The following OR6P1 variants were observed in gnomAD, a reference collection of about 807,000 sequenced individuals.
OR6P1 encodes the protein olfactory receptor family 6 subfamily P member 1, also known as olfactory receptor 6P1.
A neutral mutation model predicts 6.6 loss-of-function variants in OR6P1; 5 were observed. The observed-to-expected ratio is 0.76, with a 90% CI of 0.40 to 1.60. OR6P1 has a LOEUF of 1.60. Ranked by LOEUF, OR6P1 falls within the 40% of genes most tolerant of loss-of-function variation. The probability of loss-of-function intolerance (pLI) is 0.02; values close to 1 mark genes in which losing one functional copy is unlikely to be tolerated. For missense variants in OR6P1, 451 were observed against 383.0 expected (o/e 1.18, Z -1.48); for synonymous variants, 177 against 149.6 (o/e 1.18, Z -1.33).
In OR6P1 at chr1:158,560,735, CT is replaced by C. The variant is rs1647933258; in HGVS notation, c.*1915del. The C allele has an allele frequency of 1.3e-5, 2 of 152,138 alleles. No homozygotes were observed. The highest frequency in any genetic ancestry group is 2.9e-5 in the Non-Finnish European group (2 of 68,024). The allele number at this position is 152,138 out of a possible 1,614,324, so 9.4% of individuals were successfully genotyped here. On this transcript the variant is annotated 3_prime_UTR_variant, in exon 3 of 3. Transcript: ENST00000641540. ...TCAAGGGGTGCAGAGTCCACCTTAA[CT>C]TGGAATTTTCAAGCCCTGTAAGAGC...
chr1:158,565,041 G>A (rs863344), intron 2 of OR6P1, among the ~76,000 whole-genome samples: 29,547 of 152,052 alleles, frequency 0.19, 3,511 homozygotes, highest in East Asian at 0.4. Flanking sequence ...AATTTGCATA[G>A]TTTTAACTTG....
chr1:158,563,469 C>A lies in OR6P1; in HGVS notation c.136G>T (p.Val46Phe). 1.9e-6 allele frequency: 3 copies of A among 1,551,000 alleles called. No homozygotes were observed. The highest frequency in any genetic ancestry group is 2.6e-6 in the Non-Finnish European group (3 of 1,146,714). The change falls in exon 3 of 3, where the codon GTC becomes TTC. Residue 46 changes from valine to phenylalanine, a missense_variant. Val to Phe is a conservative substitution (Grantham distance 50, BLOSUM62 -1). Coordinates refer to ENST00000641540, the MANE Select transcript of OR6P1 (RefSeq NM_001160325.2). ...CTTGGAGCAAGCCATATTGTGAAGA[C>A]AATAAGTGCATTCTCCAACAATGTC... Reference protein sequence around the residue: ...LLTLLENALIVFTIWLAPSLH... With the variant: ...LLTLLENALIFFTIWLAPSLH...
rs1203412356 is a variant in OR6P1 at position 158,563,344 on chromosome 1, G to C, written c.261C>G (p.Thr87=). Residue 87 remains threonine, a synonymous_variant, in exon 3 of 3, where the codon ACC becomes ACG. Transcript: ENST00000641540. ...CTACGTAGGAGACTCTACCATCCTG[G>C]GTAAGAAAGGCTGCCAAGAGCCGAG... ...TIPRLLAAFL[T]QDGRVSYVGC... is the part of the protein sequence containing the mutation. 1 of 1,551,494 alleles carries C rather than the reference G, an allele frequency of 6.4e-7. No individual in the cohort carries two copies. The highest frequency in any genetic ancestry group is 8.7e-7 in the Non-Finnish European group (1 of 1,146,918).
chr1:158,562,031 G>A lies in OR6P1; in HGVS notation c.*620C>T, dbSNP rs1647965172. 1 of 152,328 alleles carries A rather than the reference G, an allele frequency of 6.6e-6. No individual in the cohort carries two copies. Among genetic ancestry groups the A allele is most frequent in the Middle Eastern group, 3.2e-3 (1 of 316 alleles). The allele number at this position is 152,328 out of a possible 1,614,324, so 9.4% of individuals were successfully genotyped here. A position where few individuals can be genotyped will look rare whatever the true frequency, so the allele number is the denominator to read the frequency against. On this transcript the variant is annotated 3_prime_UTR_variant, in exon 3 of 3. Transcript: ENST00000641540. ...AGGATAGTTAGCCATATTGAGTCAA[G>A]AATATATGGCTGAATATCAGCACTG... is the stretch of plus-strand genomic sequence containing the variant.
chr1:158,563,462 G>A lies in OR6P1; in HGVS notation c.143C>T (p.Thr48Ile), dbSNP rs187153877. 1.3e-6 allele frequency: 2 copies of A among 1,551,264 alleles called. No individual in the cohort carries two copies. The highest frequency in any genetic ancestry group is 3.9e-5 in the Admixed American group (2 of 50,924). Residue 48 changes from threonine to isoleucine, a missense_variant, in exon 3 of 3, where the codon ACA becomes ATA. Coordinates refer to ENST00000641540, the MANE Select transcript of OR6P1 (RefSeq NM_001160325.2). ...ATGAAGGCTTGGAGCAAGCCATATT[G>A]TGAAGACAATAAGTGCATTCTCCAA... Reference protein sequence around the residue: ...TLLENALIVFTIWLAPSLHRP... With the variant: ...TLLENALIVFIIWLAPSLHRP...
Position 158,562,902 on chromosome 1 carries a change from G to T in OR6P1, c.703C>A (p.His235Asn). The T allele has an allele frequency of 6.4e-7, 1 of 1,551,964 alleles. No individual in the cohort carries two copies. ...GCGGCACAAGTGGAAAAGGCTTTGT[G>T]GCGTCCCCTGGACGTAGGGATCCTC... ...ILRIPTSRGRHKAFSTCAAHL... is the reference protein window; with the variant it reads ...ILRIPTSRGRNKAFSTCAAHL... Residue 235 changes from histidine (H) to asparagine (N), a missense_variant, in exon 3 of 3, where the codon CAC becomes AAC. Coordinates refer to ENST00000641540, the MANE Select transcript of OR6P1 (RefSeq NM_001160325.2).
At position 158,560,668 on chromosome 1, in the gene OR6P1, CATTTAAAGT is replaced by C. The variant is rs1206277641; in HGVS notation, c.*1974_*1982del. On this transcript the variant is annotated 3_prime_UTR_variant, in exon 3 of 3. Coordinates refer to ENST00000641540, the MANE Select transcript of OR6P1 (RefSeq NM_001160325.2). ...AAGCAGTTGAAGGAATAGACTCTGT[CATTTAAAGT>C]CTTAGCTCAGGTAGGTGGACATAAG... The C allele has an allele frequency of 6.6e-6, 1 of 152,154 alleles. No individual in the cohort carries two copies. Among genetic ancestry groups the C allele is most frequent in the Non-Finnish European group, 1.5e-5 (1 of 68,018 alleles). The allele number at this position is 152,154 out of a possible 1,614,324, so 9.4% of individuals were successfully genotyped here. A position where few individuals can be genotyped will look rare whatever the true frequency, so the allele number is the denominator to read the frequency against.
Position 158,563,385 on chromosome 1 carries a change from T to C in OR6P1, c.220A>G (p.Ile74Val). 2.6e-6 allele frequency: 4 copies of C among 1,551,536 alleles called. No homozygotes were observed. In the South Asian group the frequency reaches 4.8e-5, roughly 18 times the overall value. ...AAGAGCCGAGGAATGGTGACATTGATGTACCATAGCTCCAGGAAAGAGAGA... is the reference window on the plus strand; with the variant it reads ...AAGAGCCGAGGAATGGTGACATTGACGTACCATAGCTCCAGGAAAGAGAGA... The part of the protein sequence containing the change: ...GHLSFLELWY[I>V]NVTIPRLLAA... Residue 74 changes from isoleucine (I) to valine (V), a missense_variant, in exon 3 of 3, where the codon ATC (isoleucine) becomes GTC (valine). Coordinates refer to ENST00000641540, the MANE Select transcript of OR6P1 (RefSeq NM_001160325.2).
Position 158,563,222 on chromosome 1 carries a change from C to G in OR6P1, c.383G>C (p.Gly128Ala). Residue 128 changes from glycine (G) to alanine (A), a missense_variant, in exon 3 of 3, where the codon GGA becomes GCA. By Grantham distance (60) the Gly-to-Ala change is moderately conservative (BLOSUM62 0). Transcript: ENST00000641540. ...MAYDRYLAIC[G>A]PLLYPSLMPS... ...CATGAGACTAGGGTAAAGGAGGGGT[C>G]CACAGATGGCCAGGTAGCGATCATA... is the stretch of plus-strand genomic sequence containing the variant. The G allele has an allele frequency of 6.4e-7, 1 of 1,551,530 alleles. No individual in the cohort carries two copies. The highest frequency in any genetic ancestry group is 8.7e-7 in the Non-Finnish European group (1 of 1,146,966).
Position 158,562,527 on chromosome 1 carries a change from C to T in OR6P1, c.*124G>A. 4.7e-6 allele frequency: 3 copies of T among 640,134 alleles called. No homozygotes were observed. Among genetic ancestry groups the T allele is most frequent in the Non-Finnish European group, 8.2e-6 (3 of 365,106 alleles). 39.7% of individuals were successfully genotyped at this position (640,134 alleles called of 1,614,324 possible). The stretch of plus-strand genomic sequence containing the variant: ...AAAGTTTCATTTGTATCAGAAGGTC[C>T]CAGACAATATTTAGAGAAAATGTTG... On this transcript the variant is annotated 3_prime_UTR_variant, in exon 3 of 3. Transcript: ENST00000641540.
rs1212940382 is a variant in OR6P1 at position 158,562,823 on chromosome 1, C to T, written c.782G>A (p.Arg261Gln). The T allele has an allele frequency of 2.3e-5, 35 of 1,551,884 alleles. 1 individual carries two copies. Among genetic ancestry groups the T allele is most frequent in the Middle Eastern group, 1.7e-4 (1 of 6,018 alleles). Residue 261 changes from arginine to glutamine, a missense_variant, in exon 3 of 3, where the codon CGG becomes CAG. Physicochemically the swap from Arg to Gln is conservative, Grantham distance 43 (BLOSUM62 1). Coordinates refer to ENST00000641540, the MANE Select transcript of OR6P1 (RefSeq NM_001160325.2). ...GTTGAAGGTGTACATGGCCCGGGGC[C>T]GTGCATAGGTGAAGAGAGTGGAGGA... The part of the protein sequence containing the change: ...YYSSTLFTYA[R>Q]PRAMYTFNHN...
At position 158,563,021 on chromosome 1, in the gene OR6P1, G is replaced by T; in HGVS notation, c.584C>A (p.Ala195Glu). ...GGCCAGAAGGAAGTCTACTAGCTCTGCTTGCTCCTTGTCAGAGCAGGTGAG... is the reference window on the plus strand; with the variant it reads ...GGCCAGAAGGAAGTCTACTAGCTCTTCTTGCTCCTTGTCAGAGCAGGTGAG... ...LNLTCSDKEQAELVDFLLALV... is the reference protein window; with the variant it reads ...LNLTCSDKEQEELVDFLLALV... Residue 195 changes from alanine to glutamate, a missense_variant, in exon 3 of 3, where the codon GCA becomes GAA. By Grantham distance (107) the Ala-to-Glu change is moderately radical. Coordinates refer to ENST00000641540, the MANE Select transcript of OR6P1 (RefSeq NM_001160325.2). 1 of 1,551,718 alleles carries T rather than the reference G, an allele frequency of 6.4e-7. No individual in the cohort carries two copies.
At chr1:158,568,082 G>A (rs1648142238) in intron 1 of OR6P1, among the ~76,000 whole-genome samples, 2 of 152,058 alleles carry the variant, frequency 1.3e-5, no homozygotes, top group South Asian at 4.1e-4. Context: ...GCCTGCTACT[G>A]CAGAGAAATT....
rs1648107179 is a variant in OR6P1, at chr1:158,566,775, C to T, written c.-34G>A. 6.6e-6 allele frequency: 1 copy of T among 152,044 alleles called. No homozygotes were observed. The highest frequency in any genetic ancestry group is 6.6e-5 in the Admixed American group (1 of 15,262). The allele number at this position is 152,044 out of a possible 1,614,324, so 9.4% of individuals were successfully genotyped here. On this transcript the variant is annotated 5_prime_UTR_variant, in exon 2 of 3. Coordinates refer to ENST00000641540, the MANE Select transcript of OR6P1 (RefSeq NM_001160325.2). ...AAATTCCAACCTACCAGGGTCAGTC[C>T]TGAGGGATGTGGGAAAGTTGTTGGA... is the stretch of plus-strand genomic sequence containing the variant.
Position 158,562,881 on chromosome 1 carries a change from C to G in OR6P1, c.724G>C (p.Ala242Pro), listed in dbSNP as rs960641468. The change falls in exon 3 of 3, where the codon GCC becomes CCC. Residue 242 changes from alanine (A) to proline (P), a missense_variant. Coordinates refer to ENST00000641540, the MANE Select transcript of OR6P1 (RefSeq NM_001160325.2). ...RGRHKAFSTC[A>P]AHLAVVVIYY... ...ATAACAACCACTGCCAGATGAGCGG[C>G]ACAAGTGGAAAAGGCTTTGTGGCGT... is the stretch of plus-strand genomic sequence containing the variant. 2.1e-5 allele frequency: 33 copies of G among 1,551,986 alleles called. No homozygotes were observed. In the East Asian group the frequency reaches 7.6e-4, roughly 36 times the overall value.
Position 158,563,282 on chromosome 1 carries a change from G to A in OR6P1, c.323C>T (p.Ala108Val). ...MTQLYFFIAL[A>V]CTECVLLAVM... ...TGCCAACAGCACACATTCAGTACAG[G>A]CTAAGGCAATAAAGAAGTACAGTTG... Residue 108 changes from alanine (A) to valine (V), a missense_variant, in exon 3 of 3, where the codon GCC (alanine) becomes GTC (valine). Transcript: ENST00000641540. 7 of 1,551,542 alleles carry A rather than the reference G, an allele frequency of 4.5e-6. No individual in the cohort carries two copies. The highest frequency in any genetic ancestry group is 5.2e-6 in the Non-Finnish European group (6 of 1,146,980).
chr1:158,565,561 A>G (rs1380204838), intron 2 of OR6P1, among the ~76,000 whole-genome samples: 1 of 152,078 alleles, frequency 6.6e-6, no homozygotes, highest in East Asian at 1.9e-4. Context: ...TAGCTGTTAT[A>G]TAATTAGCAT....
At chr1:158,568,202 G>T (rs1290163831) in intron 1 of OR6P1, among the ~76,000 whole-genome samples, 3 of 152,056 alleles carry the variant, frequency 2.0e-5, no homozygotes, top group Non-Finnish European at 4.4e-5. Context: ...GGCCCTCCTC[G>T]ATAGACTACT....
At chr1:158,568,131 C>A (rs1198730920) in intron 1 of OR6P1, among the ~76,000 whole-genome samples, 2 of 152,148 alleles carry the variant, frequency 1.3e-5, no homozygotes, top group African/African-American at 4.8e-5. Context: ...CTATTGTCCA[C>A]CAGAAATTGT....
Sources: gnomAD v4.1 joint callset for allele counts (sites outside exome capture counted in the v4.1 genomes callset) on GRCh38, gnomAD v4.1.1 for gene constraint, MANE v1.5 for transcripts, NCBI Gene and HGNC (gene_info 2026-07-23, HGNC 2026-07-21) for gene names.